HIPK4: variants seen among roughly 807,000 people sequenced by gnomAD.
HIPK4 encodes the protein homeodomain interacting protein kinase 4, also known as homeodomain-interacting protein kinase 4.
HIPK4 carries 26 observed loss-of-function variants against 44.8 expected under a neutral mutation model. That is an observed-to-expected ratio of 0.58 (90% CI 0.43 to 0.80). HIPK4 has a LOEUF of 0.80. HIPK4 is among the 30% of genes least tolerant of loss of function. The probability of loss-of-function intolerance (pLI) is 0.00; values close to 1 mark genes in which losing one functional copy is unlikely to be tolerated. For missense variants in HIPK4, 729 were observed against 862.6 expected, an observed-to-expected ratio of 0.85 and a Z score of 1.94; for synonymous variants, 340 against 355.5, an observed-to-expected ratio of 0.96 and a Z score of 0.49.
Position 40,379,335 on chromosome 19 carries a change from G to T in HIPK4, c.*252C>A. 1 of 501,612 alleles carries T rather than the reference G, an allele frequency of 2.0e-6. No homozygotes were observed. Among genetic ancestry groups the T allele is most frequent in the Non-Finnish European group, 3.5e-6 (1 of 287,566 alleles). The allele number at this position is 501,612 out of a possible 1,614,324, so 31.1% of individuals were successfully genotyped here. On this transcript the variant is annotated 3_prime_UTR_variant, in exon 4 of 4. Transcript: ENST00000291823. ...GGCCAAGGGCGAGCGCAGGGCCAGC[G>T]GGGTGCAGCCCCCTTTCCTGCTGTC...
Position 40,384,072 on chromosome 19 carries a change from G to A in HIPK4, c.533C>T (p.Ser178Leu). ...VRYVKEPYIQ[S>L]RFYRAPEILL... ...GATCTCAGGGGCCCGGTAGAAGCGC[G>A]ACTGGATGTATGGCTCCTTCACGTA... Residue 178 changes from serine to leucine, a missense_variant, in exon 2 of 4, where the codon TCG becomes TTG. Transcript: ENST00000291823. 1.9e-6 allele frequency: 3 copies of A among 1,612,876 alleles called. No individual in the cohort carries two copies.
Position 40,379,577 on chromosome 19 carries a change from G to A in HIPK4, c.*10C>T, listed in dbSNP as rs1295646517. The A allele has an allele frequency of 6.6e-7, 1 of 1,514,210 alleles. No homozygotes were observed. The highest frequency in any genetic ancestry group is 2.6e-5 in the East Asian group (1 of 38,504). 93.8% of individuals were successfully genotyped at this position (1,514,210 alleles called of 1,614,324 possible). ...GCAGCCCCCAGTGATGGGCAGGGGT[G>A]GAATCACCATCAGTGGTGCCCGGTG... On this transcript the variant is annotated 3_prime_UTR_variant, in exon 4 of 4. Coordinates refer to ENST00000291823, the MANE Select transcript of HIPK4 (RefSeq NM_144685.5).
At chr19:40,383,529 T>G (rs1309625715) in intron 2 of HIPK4, among the ~76,000 whole-genome samples, 3 of 152,168 alleles carry the variant, frequency 2.0e-5, no homozygotes, top group African/African-American at 7.2e-5. Context: ...GGAATTCTCC[T>G]GCCTCAGCCT....
intron 1 of HIPK4, among the ~76,000 whole-genome samples, chr19:40,385,649 C>G (rs11667689): frequency 0.15 from 22,919 of 150,874 alleles, 1,994 homozygotes; most frequent in Middle Eastern, 0.26. Context: ...TTCTATCCCC[C>G]GCCAGGCCCC....
intron 1 of HIPK4, among the ~76,000 whole-genome samples, chr19:40,387,345 A>T (rs1291236950): frequency 6.6e-6 from 1 of 152,040 alleles, no homozygotes; most frequent in Non-Finnish European, 1.5e-5. Context: ...CCTTTGACAC[A>T]TGACAGGTGC....
rs759855803 is a variant in HIPK4, at chr19:40,380,538, G to A, written c.1453C>T (p.Arg485Cys). 28 of 1,611,576 alleles carry A rather than the reference G, an allele frequency of 1.7e-5. No individual in the cohort carries two copies. The highest frequency in any genetic ancestry group is 1.6e-4 in the Middle Eastern group (1 of 6,080). ...LAFYSSRLAG[R>C]HKARKPPAGS... ...GCAGGTGGCTTGCGGGCCTTGTGGC[G>A]GCCTGCCAGGCGGCTGCTGTAGAAG... Residue 485 changes from arginine to cysteine, a missense_variant, in exon 3 of 4, where the codon CGC (arginine) becomes TGC (cysteine). Physicochemically the swap from Arg to Cys is radical, Grantham distance 180 (BLOSUM62 -3). Around this residue, in one of 2 missense-constraint regions of HIPK4, gnomAD observed 533 missense variants for 567.5 expected, o/e 0.94. Coordinates refer to ENST00000291823, the MANE Select transcript of HIPK4 (RefSeq NM_144685.5). This position sits in a 1 kb window ranked among gnomAD's most constrained non-coding sequence, Gnocchi z 4.2.
Position 40,384,090 on chromosome 19 carries a change from T to G in HIPK4, c.515A>C (p.Lys172Thr), listed in dbSNP as rs762023461. ...ASIFSEVRYV[K>T]EPYIQSRFYR... ...GAAGCGCGACTGGATGTATGGCTCC[T>G]TCACGTAGCGCACCTCGCTGAAAAT... Residue 172 changes from lysine to threonine, a missense_variant, in exon 2 of 4, where the codon AAG becomes ACG. This residue lies in a region of HIPK4 where 196 missense variants were observed against 295.1 expected (regional missense o/e 0.66). Transcript: ENST00000291823. 5.6e-6 allele frequency: 9 copies of G among 1,607,230 alleles called. No individual in the cohort carries two copies. The highest frequency in any genetic ancestry group is 7.7e-6 in the Non-Finnish European group (9 of 1,175,228).
At chr19:40,384,458 C>T (rs1000055875) in intron 1 of HIPK4, among the ~76,000 whole-genome samples, 2 of 152,102 alleles carry the variant, frequency 1.3e-5, no homozygotes, top group Non-Finnish European at 2.9e-5. Context: ...CGCCCACCAC[C>T]ACACCCGGCT....
At position 40,380,821 on chromosome 19, in the gene HIPK4, G is replaced by A. The variant is rs1276351495; in HGVS notation, c.1170C>T (p.Thr390=). 32 of 1,611,494 alleles carry A rather than the reference G, an allele frequency of 2.0e-5. No homozygotes were observed. The highest frequency in any genetic ancestry group is 2.6e-5 in the Non-Finnish European group (31 of 1,177,922). Residue 390 remains threonine, a synonymous_variant, in exon 3 of 4, where the codon ACC becomes ACT. Coordinates refer to ENST00000291823, the MANE Select transcript of HIPK4 (RefSeq NM_144685.5). This position sits in a 1 kb window ranked among gnomAD's most constrained non-coding sequence, Gnocchi z 4.2. ...PTPVVAAEDG[T]PYYCLAEEKE... The stretch of plus-strand genomic sequence containing the variant: ...TCTCCTCAGCCAGACAGTAGTAGGG[G>A]GTCCCATCTTCTGCGGCCACGACGG...
rs1013544385 is a variant in HIPK4 at position 40,389,326 on chromosome 19, A to AAAT, written c.465+109_465+111dup. On this transcript the variant is annotated intron_variant, in intron 1 of 3. Coordinates refer to ENST00000291823, the MANE Select transcript of HIPK4 (RefSeq NM_144685.5). The surrounding 1 kb of genome is among the most constrained non-coding windows in gnomAD (Gnocchi z 4.6). ...GTAACAGAATGAAACTCCGTCTCAA[A>AAAT]AATAATAATAATAATAATTTTAAAA... 1.7e-5 allele frequency: 8 copies of AAAT among 483,464 alleles called. No homozygotes were observed. Among genetic ancestry groups the AAAT allele is most frequent in the Non-Finnish European group, 2.2e-5 (7 of 314,472 alleles). 29.9% of individuals were successfully genotyped at this position (483,464 alleles called of 1,614,324 possible).
intron 3 of HIPK4, among the ~76,000 whole-genome samples, chr19:40,379,992 A>G (rs140285350): frequency 6.6e-6 from 1 of 152,256 alleles, no homozygotes; most frequent in Non-Finnish European, 1.5e-5. Context: ...CTGGGACTAC[A>G]GGTGCATGCC....
At chr19:40,381,812 T>G (rs957101589) in intron 2 of HIPK4, among the ~76,000 whole-genome samples, 5 of 136,514 alleles carry the variant, frequency 3.7e-5, no homozygotes, top group African/African-American at 1.1e-4. Flanking sequence ...TTTTTTTTTT[T>G]GTATGTGTGT....
At chr19:40,381,331 C>T (rs1328349786) in intron 2 of HIPK4, among the ~76,000 whole-genome samples, 163 bp from the exon 3 acceptor site, 1 of 152,150 alleles carries the variant, frequency 6.6e-6, no homozygotes, top group Non-Finnish European at 1.5e-5. Context: ...TCCGTCACAC[C>T]CAAGCCCCTC....
In HIPK4 at chr19:40,390,180, G is replaced by C; in HGVS notation, c.-278C>G. On this transcript the variant is annotated 5_prime_UTR_variant, in exon 1 of 4. Coordinates refer to ENST00000291823, the MANE Select transcript of HIPK4 (RefSeq NM_144685.5). The stretch of plus-strand genomic sequence containing the variant: ...ACCGAATGGGTTCCAGCGCTGTTGA[G>C]TGGCTCTGGTTCTGTTGTTGGAGAC... 1 of 455,326 alleles carries C rather than the reference G, an allele frequency of 2.2e-6. No homozygotes were observed. Among genetic ancestry groups the C allele is most frequent in the African/African-American group, 1.9e-5 (1 of 51,594 alleles). The allele number at this position is 455,326 out of a possible 1,614,324, so 28.2% of individuals were successfully genotyped here. A position where few individuals can be genotyped will look rare whatever the true frequency, so the allele number is the denominator to read the frequency against.
Position 40,389,878 on chromosome 19 carries a change from C to T in HIPK4, c.25G>A (p.Asp9Asn), listed in dbSNP as rs769993499. Residue 9 changes from aspartate (D) to asparagine (N), a missense_variant, in exon 1 of 4, where the codon GAC becomes AAC. This residue lies in a region of HIPK4 where 196 missense variants were observed against 295.1 expected (regional missense o/e 0.66). Coordinates refer to ENST00000291823, the MANE Select transcript of HIPK4 (RefSeq NM_144685.5). The surrounding 1 kb of genome is among the most constrained non-coding windows in gnomAD (Gnocchi z 4.6). MSTIQSET[D>N]CYDIIEVLGK... is the part of the protein sequence containing the mutation. The stretch of plus-strand genomic sequence containing the variant: ...AAGACCTCGATGATGTCGTAGCAGT[C>T]AGTCTCCGACTGGATGGTGGACATG... 47 of 1,609,722 alleles carry T rather than the reference C, an allele frequency of 2.9e-5. 1 individual carries two copies. In the Middle Eastern group the frequency reaches 3.0e-3, roughly 101 times the overall value.
chr19:40,383,077 CTTTCT>C (rs1276480466), intron 2 of HIPK4, among the ~76,000 whole-genome samples: 7 of 124,052 alleles, frequency 5.6e-5, no homozygotes, highest in African/African-American at 1.2e-4. Flanking sequence ...TTTTTCTTTT[CTTTCT>C]TTTTTTTTTT....
Position 40,381,080 on chromosome 19 carries a change from G to C in HIPK4, c.911C>G (p.Thr304Ser). ...VNGGSVASRL[T>S]FPDREALAEH... ...CGCCAGCGCCTCCCGGTCAGGGAAGGTTAGCCGACTGGCCACACTGCCACC... is the reference window on the plus strand; with the variant it reads ...CGCCAGCGCCTCCCGGTCAGGGAAGCTTAGCCGACTGGCCACACTGCCACC... The change falls in exon 3 of 4, where the codon ACC becomes AGC. Residue 304 changes from threonine (T) to serine (S), a missense_variant. Physicochemically the swap from Thr to Ser is moderately conservative, Grantham distance 58. Coordinates refer to ENST00000291823, the MANE Select transcript of HIPK4 (RefSeq NM_144685.5). 7 of 1,612,802 alleles carry C rather than the reference G, an allele frequency of 4.3e-6. No homozygotes were observed. The highest frequency in any genetic ancestry group is 5.9e-6 in the Non-Finnish European group (7 of 1,180,002).
Position 40,380,199 on chromosome 19 carries a change from T to C in HIPK4, c.1668+124A>G, listed in dbSNP as rs2079324589. On this transcript the variant is annotated intron_variant, in intron 3 of 3. Coordinates refer to ENST00000291823, the MANE Select transcript of HIPK4 (RefSeq NM_144685.5). This position sits in a 1 kb window ranked among gnomAD's most constrained non-coding sequence, Gnocchi z 4.2. Reference sequence around the variant, plus strand: ...TGTGCTGAGCCTCCTAAGTCCCTAATTGTATCCTGAACATGGGTGAGTGTG... The same window carrying C: ...TGTGCTGAGCCTCCTAAGTCCCTAACTGTATCCTGAACATGGGTGAGTGTG... 7.6e-7 allele frequency: 1 copy of C among 1,316,210 alleles called. No individual in the cohort carries two copies. The highest frequency in any genetic ancestry group is 2.1e-5 in the Admixed American group (1 of 46,748). The allele number at this position is 1,316,210 out of a possible 1,614,324, so 81.5% of individuals were successfully genotyped here.
At chr19:40,385,673 C>CT (rs2079359433) in intron 1 of HIPK4, among the ~76,000 whole-genome samples, 2 of 105,140 alleles carry the variant, frequency 1.9e-5, no homozygotes, top group Non-Finnish European at 2.1e-5. Flanking sequence ...TTTTCTTTTT[C>CT]TTTTCTTTTC....
Sources: gnomAD v4.1 joint callset for allele counts (sites outside exome capture counted in the v4.1 genomes callset) on GRCh38, gnomAD v4.1.1 for gene constraint, gnomAD v4.1.1 regional missense constraint, Gnocchi (gnomAD v3.1) non-coding constraint, MANE v1.5 for transcripts, NCBI Gene and HGNC (gene_info 2026-07-23, HGNC 2026-07-21) for gene names.